Variants in MBD5 observed in about 807,000 individuals in gnomAD.
MBD5 encodes methyl-CpG binding domain protein 5.
MBD5 carries 13 observed loss-of-function variants against 117.3 expected under a neutral mutation model. The ratio of observed to expected loss-of-function variants is 0.11; its 90% confidence interval spans 0.07 to 0.18. The LOEUF is 0.18. Among genes scored for constraint, MBD5 ranks in the 10% least tolerant of loss-of-function variants. MBD5 has a pLI of 1.00. For synonymous variants in MBD5, 727 were observed against 766.4 expected, an observed-to-expected ratio of 0.95 and a Z score of 0.85; for missense variants, 1,879 against 2,093.8, an observed-to-expected ratio of 0.90 and a Z score of 2.00.
In MBD5 at chr2:148,363,381, C is replaced by T. The variant is rs946247553; in HGVS notation, c.-557+21045C>T. On this transcript the variant is annotated intron_variant, in intron 4 of 13. Transcript: ENST00000642680. ...CCGAGTAGCTGTGACTACAGGCGCC[C>T]GCCACCACGCCCGGCTAATTTTTTT... is the stretch of plus-strand genomic sequence containing the variant. Among the ~76,000 whole-genome samples the T allele has an allele frequency of 4.6e-5, 7 of 152,160 alleles. 1 individual carries two copies. Among genetic ancestry groups the T allele is most frequent in the East Asian group, 3.9e-4 (2 of 5,162 alleles).
chr2:148,108,702 T>C (rs1696434193), intron 1 of MBD5, among the ~76,000 whole-genome samples: 1 of 152,112 alleles, frequency 6.6e-6, no homozygotes, highest in African/African-American at 2.4e-5. Context: ...CATTTAAGAG[T>C]TTTTGTTTGT....
intron 3 of MBD5, among the ~76,000 whole-genome samples, chr2:148,326,665 C>CT (rs1287771040): frequency 2.0e-5 from 3 of 151,476 alleles, no homozygotes; most frequent in South Asian, 2.1e-4. Flanking sequence ...CAACCCCTGC[C>CT]TTTTTTTGTT....
At position 148,461,121 on chromosome 2, in the gene MBD5, C is replaced by T. The variant is rs554478901; in HGVS notation, c.114-1461C>T. Reference sequence around the variant, plus strand: ...CTAATGTTTGTATTTTTAGTAGAGACGGGGTTTCACCATGTTGGCCAGGCT... The same window carrying T: ...CTAATGTTTGTATTTTTAGTAGAGATGGGGTTTCACCATGTTGGCCAGGCT... On this transcript the variant is annotated intron_variant, in intron 5 of 13. Transcript: ENST00000642680. 4.6e-5 allele frequency among the ~76,000 whole-genome samples: 7 copies of T among 151,984 alleles called. No homozygotes were observed. The East Asian group carries it at 5.8e-4, about 13-fold the overall frequency.
chr2:148,420,697 ATGTTT>A (rs3076613), intron 4 of MBD5, among the ~76,000 whole-genome samples: 58,381 of 147,206 alleles, frequency 0.4, 11,744 homozygotes, highest in East Asian at 0.49. Context: ...CTGATAAGTC[ATGTTT>A]TGTTTTGTTT....
intron 1 of MBD5, among the ~76,000 whole-genome samples, chr2:148,102,227 A>G (rs1696233986): frequency 6.6e-6 from 1 of 152,246 alleles, no homozygotes; most frequent in Admixed American, 6.5e-5. Context: ...TCTCAGAATC[A>G]CAGACCTGAA....
At chr2:148,295,173 T>A (rs1383095981) in intron 3 of MBD5, among the ~76,000 whole-genome samples, 2 of 152,210 alleles carry the variant, frequency 1.3e-5, no homozygotes, top group African/African-American at 4.8e-5. Flanking sequence ...ACCCCTCTTA[T>A]GCATATGCTG....
chr2:148,367,639 C>G (rs1354665587), intron 4 of MBD5, among the ~76,000 whole-genome samples: 6 of 152,080 alleles, frequency 3.9e-5, no homozygotes, highest in African/African-American at 1.4e-4. Flanking sequence ...AAGAAAAAAA[C>G]AAACAACCCC....
chr2:148,454,029 G>A (rs1252763926), intron 4 of MBD5, among the ~76,000 whole-genome samples: 2 of 152,002 alleles, frequency 1.3e-5, no homozygotes, highest in Admixed American at 6.6e-5. Flanking sequence ...AGATTTATTT[G>A]TCATTGTGAA....
At chr2:148,131,221 T>A (rs1050717502) in intron 1 of MBD5, among the ~76,000 whole-genome samples, 7 of 152,178 alleles carry the variant, frequency 4.6e-5, no homozygotes, top group African/African-American at 1.7e-4. Context: ...GAGGGTTTTT[T>A]TGTTTGTTTG....
intron 1 of MBD5, among the ~76,000 whole-genome samples, chr2:148,160,223 C>T (rs149643715): frequency 0.013 from 1,920 of 152,228 alleles, 46 homozygotes; most frequent in African/African-American, 0.043. Flanking sequence ...CATGATGAAA[C>T]CCCGTCTCTA....
chr2:148,104,662 C>T (rs1696322160), intron 1 of MBD5, among the ~76,000 whole-genome samples: 1 of 152,136 alleles, frequency 6.6e-6, no homozygotes, highest in South Asian at 2.1e-4. Flanking sequence ...TTAGTTAGTG[C>T]ATGCCAGTAG....
intron 1 of MBD5, among the ~76,000 whole-genome samples, chr2:148,173,131 C>T (rs1698302503): frequency 6.6e-6 from 1 of 152,350 alleles, no homozygotes; most frequent in Admixed American, 6.5e-5. Flanking sequence ...ACACGCCCCC[C>T]ACTCACCACA....
At chr2:148,235,999 A>G (rs1018254537) in intron 3 of MBD5, among the ~76,000 whole-genome samples, 1 of 152,098 alleles carries the variant, frequency 6.6e-6, no homozygotes, top group East Asian at 1.9e-4. Context: ...GGGTTTTGCC[A>G]TGTTGCCCAG....
At position 148,298,795 on chromosome 2, in the gene MBD5, A is replaced by G. The variant is rs182299554; in HGVS notation, c.-679-43419A>G. On this transcript the variant is annotated intron_variant, in intron 3 of 13. Coordinates refer to ENST00000642680, the MANE Select transcript of MBD5 (RefSeq NM_001378120.1). ...TAAATTACAGCATCCTCATATATCAATATTGTATGTATAGACTTAGTGCCA... is the reference window on the plus strand; with the variant it reads ...TAAATTACAGCATCCTCATATATCAGTATTGTATGTATAGACTTAGTGCCA... 2.0e-5 allele frequency among the ~76,000 whole-genome samples: 3 copies of G among 152,340 alleles called. No individual in the cohort carries two copies. The East Asian group carries it at 5.8e-4, about 29-fold the overall frequency.
At chr2:148,136,135 G>A (rs1697166972) in intron 1 of MBD5, among the ~76,000 whole-genome samples, 1 of 152,174 alleles carries the variant, frequency 6.6e-6, no homozygotes, top group Admixed American at 6.5e-5. Flanking sequence ...ACATTCTCAG[G>A]TGACCACATT....
At chr2:148,053,049 G>A (rs1186125966) in intron 1 of MBD5, among the ~76,000 whole-genome samples, 1 of 149,476 alleles carries the variant, frequency 6.7e-6, no homozygotes, top group African/African-American at 2.4e-5. Flanking sequence ...TTCTAGGATT[G>A]TTCAAGCCTT....
chr2:148,271,694 T>C (rs1448892102), intron 3 of MBD5, among the ~76,000 whole-genome samples: 4 of 152,226 alleles, frequency 2.6e-5, no homozygotes, highest in African/African-American at 9.6e-5. Flanking sequence ...AAAAATTGTA[T>C]ATATTTATGG....
rs549492054 is a variant in MBD5, at chr2:148,050,028, C to T, written c.-925+28344C>T. Among the ~76,000 whole-genome samples, 9 of 152,254 alleles carry T rather than the reference C, an allele frequency of 5.9e-5. No individual in the cohort carries two copies. The East Asian group carries it at 1.7e-3, about 29-fold the overall frequency. ...TAATGCTGCTGTAAACATTTGTGTA[C>T]AAGTTTTTGTGTTAACATATATTTT... On this transcript the variant is annotated intron_variant, in intron 1 of 13. Coordinates refer to ENST00000642680, the MANE Select transcript of MBD5 (RefSeq NM_001378120.1).
chr2:148,024,049 G>A (rs1023290869), intron 1 of MBD5, among the ~76,000 whole-genome samples: 1 of 152,052 alleles, frequency 6.6e-6, no homozygotes, highest in African/African-American at 2.4e-5. Flanking sequence ...AGGGAACTCA[G>A]GTCTCCTGAT....
Sources: gnomAD v4.1 joint callset for allele counts (sites outside exome capture counted in the v4.1 genomes callset) on GRCh38, gnomAD v4.1.1 for gene constraint, MANE v1.5 for transcripts, NCBI Gene and HGNC (gene_info 2026-07-23, HGNC 2026-07-21) for gene names.